The following ARID2 variants were observed in gnomAD, a reference collection of about 807,000 sequenced individuals.
ARID2 encodes the protein AT-rich interaction domain 2.
In ARID2, 32 loss-of-function variants were observed where a neutral mutation model predicts 184.6. The observed-to-expected ratio is 0.17, with a 90% CI of 0.13 to 0.23. The LOEUF is 0.23. Ranked by LOEUF, ARID2 falls within the 10% of genes least tolerant of loss-of-function variation. The probability of loss-of-function intolerance (pLI) is 1.00; values close to 1 mark genes in which losing one functional copy is unlikely to be tolerated. For missense variants in ARID2, 1,696 were observed against 2,197.6 expected, an observed-to-expected ratio of 0.77 and a Z score of 4.56; for synonymous variants, 836 against 772.6, an observed-to-expected ratio of 1.08 and a Z score of -1.36.
intron 3 of ARID2, among the ~76,000 whole-genome samples, chr12:45,792,948 TA>T (rs1298012355): frequency 1.3e-5 from 2 of 152,186 alleles, no homozygotes; most frequent in Non-Finnish European, 2.9e-5. Flanking sequence ...AGGATCTTTT[TA>T]AAAAAATTGT....
intron 3 of ARID2, among the ~76,000 whole-genome samples, chr12:45,798,125 TCTAA>T (rs1158007890): frequency 2.6e-5 from 4 of 152,118 alleles, no homozygotes; most frequent in East Asian, 1.9e-4. Flanking sequence ...CAAATACAGA[TCTAA>T]CTAATTTTCT....
rs369716581 is a variant in ARID2 at position 45,785,101 on chromosome 12, A to C, written c.285-26317A>C. On this transcript the variant is annotated intron_variant, in intron 3 of 20. Coordinates refer to ENST00000334344, the MANE Select transcript of ARID2 (RefSeq NM_152641.4). The stretch of plus-strand genomic sequence containing the variant: ...AATTTCCTATCAGCCTTTCAGGCGA[A>C]GAAGCCTCTCTTCTTATTTTCTTAT... Among the ~76,000 whole-genome samples, 3 of 152,366 alleles carry C rather than the reference A, an allele frequency of 2.0e-5. No individual in the cohort carries two copies. The East Asian group carries it at 5.8e-4, about 29-fold the overall frequency.
intron 3 of ARID2, among the ~76,000 whole-genome samples, chr12:45,802,077 C>T (rs1240149358): frequency 6.7e-6 from 1 of 149,068 alleles, no homozygotes; most frequent in Non-Finnish European, 1.5e-5. Flanking sequence ...CCCCCACCCA[C>T]CCCCGAGACG....
At chr12:45,798,703 CCTT>C (rs1462274849) in intron 3 of ARID2, among the ~76,000 whole-genome samples, 2 of 151,300 alleles carry the variant, frequency 1.3e-5, no homozygotes, top group South Asian at 2.1e-4. Flanking sequence ...TATATGCAAC[CCTT>C]CTTCTCATAC....
intron 3 of ARID2, among the ~76,000 whole-genome samples, chr12:45,739,758 A>T (rs1941214151): frequency 6.6e-6 from 1 of 152,170 alleles, no homozygotes; most frequent in African/African-American, 2.4e-5. Context: ...TAGCCCAGCG[A>T]TTAATTTTAA....
chr12:45,856,063 T>TTTTC, intron 15 of ARID2, among the ~76,000 whole-genome samples: 1 of 139,752 alleles, frequency 7.2e-6, no homozygotes. Flanking sequence ...TTCTTTCTTC[T>TTTTC]TTTCTTTTTT....
chr12:45,863,650 T>C lies in ARID2; in HGVS notation c.4922+2701T>C, dbSNP rs555940179. Among the ~76,000 whole-genome samples the C allele has an allele frequency of 2.0e-5, 3 of 152,138 alleles. No individual in the cohort carries two copies. The East Asian group carries it at 5.8e-4, about 29-fold the overall frequency. On this transcript the variant is annotated intron_variant, in intron 16 of 20. Coordinates refer to ENST00000334344, the MANE Select transcript of ARID2 (RefSeq NM_152641.4). Reference sequence around the variant, plus strand: ...TCCATCAGATTTAAAGCTAAAATTATTTTCTTTACCTATATATTATTGTAA... The same window carrying C: ...TCCATCAGATTTAAAGCTAAAATTACTTTCTTTACCTATATATTATTGTAA...
intron 3 of ARID2, chr12:45,776,336 T>G (rs1941980113): frequency 6.6e-6 from 1 of 152,452 alleles, no homozygotes; most frequent in Non-Finnish European, 1.5e-5. Flanking sequence ...CCAGTATATT[T>G]GTCTTGTTCT....
At chr12:45,827,228 T>C (rs1049965387) in intron 6 of ARID2, among the ~76,000 whole-genome samples, 3 of 152,004 alleles carry the variant, frequency 2.0e-5, no homozygotes, top group Non-Finnish European at 4.4e-5. Context: ...CATATTGTTA[T>C]CCAGAATTAA....
Position 45,904,974 on chromosome 12 carries a change from A to G in ARID2, c.5404A>G (p.Ile1802Val), listed in dbSNP as rs1944505772. ...RHENNLSVLAISNMEASSTLA... is the reference protein window; with the variant it reads ...RHENNLSVLAVSNMEASSTLA... The stretch of plus-strand genomic sequence containing the variant: ...TGAAAATAACTTATCAGTGCTAGCC[A>G]TTAGTAACATGGAAGCTTCCTCCAC... Residue 1802 changes from isoleucine (I) to valine (V), a missense_variant, in exon 21 of 21, where the codon ATT (isoleucine) becomes GTT (valine). Physicochemically the swap from Ile to Val is conservative, Grantham distance 29. Coordinates refer to ENST00000334344, the MANE Select transcript of ARID2 (RefSeq NM_152641.4). The G allele has an allele frequency of 6.2e-7, 1 of 1,614,046 alleles. No individual in the cohort carries two copies. Among genetic ancestry groups the G allele is most frequent in the Non-Finnish European group, 8.5e-7 (1 of 1,179,980 alleles).
chr12:45,736,041 A>G (rs1592044145), intron 3 of ARID2, among the ~76,000 whole-genome samples: 1 of 152,318 alleles, frequency 6.6e-6, no homozygotes, highest in East Asian at 1.9e-4. Context: ...GATCGTGTGA[A>G]ATCTATAACG....
At chr12:45,872,292 A>G (rs1943939518) in intron 16 of ARID2, among the ~76,000 whole-genome samples, 1 of 152,158 alleles carries the variant, frequency 6.6e-6, no homozygotes, top group Non-Finnish European at 1.5e-5. Context: ...TACTTTTACT[A>G]TATCCAGAAA....
chr12:45,869,531 A>G (rs2138202765), intron 16 of ARID2, among the ~76,000 whole-genome samples: 1 of 152,118 alleles, frequency 6.6e-6, no homozygotes, highest in African/African-American at 2.4e-5. Flanking sequence ...AACTTCCATT[A>G]TATTTTTCAA....
intron 3 of ARID2, among the ~76,000 whole-genome samples, chr12:45,778,714 TATTA>T (rs1222265795): frequency 6.6e-6 from 1 of 151,992 alleles, no homozygotes; most frequent in African/African-American, 2.4e-5. Context: ...TTCATTTACA[TATTA>T]ATTATACTTC....
intron 16 of ARID2, among the ~76,000 whole-genome samples, chr12:45,878,682 TCTC>T (rs1222557785): frequency 6.6e-6 from 1 of 152,194 alleles, no homozygotes; most frequent in Non-Finnish European, 1.5e-5. Flanking sequence ...TATTTTAAAT[TCTC>T]AGTCTGAAAA....
intron 11 of ARID2, chr12:45,840,181 T>G (rs903093696): frequency 1.3e-5 from 2 of 152,174 alleles, no homozygotes; most frequent in African/African-American, 4.8e-5. Context: ...TCTACCTTGG[T>G]TTATACTAAA....
In ARID2 at chr12:45,839,470, C is replaced by G. The variant is rs149755754; in HGVS notation, c.1472C>G (p.Thr491Ser). The change falls in exon 11 of 21, where the codon ACC becomes AGC. Residue 491 changes from threonine (T) to serine (S), a missense_variant. By Grantham distance (58) the Thr-to-Ser change is moderately conservative. Transcript: ENST00000334344. ...CCACAAGCTATAGAGCAAGTCCAAA[C>G]CCAGACTCATGTAGCATCTGCCCCA... ...IRPQAIEQVQTQTHVASAPAS... is the reference protein window; with the variant it reads ...IRPQAIEQVQSQTHVASAPAS... 1,566 of 1,613,518 alleles carry G rather than the reference C, an allele frequency of 9.7e-4. 3 individuals are homozygous for G. The highest frequency in any genetic ancestry group is 1.2e-3 in the Non-Finnish European group (1,383 of 1,179,778).
At chr12:45,901,154 A>ATTTTTTTTTTTTTTTT (rs71067909) in intron 20 of ARID2, among the ~76,000 whole-genome samples, 7 of 44,968 alleles carry the variant, frequency 1.6e-4, no homozygotes, top group Admixed American at 3.1e-4. Flanking sequence ...AATTTCCTTA[A>ATTTTTTTTTTTTTTTT]TTTTTTTTTT....
At chr12:45,866,253 T>C (rs143958110) in intron 16 of ARID2, among the ~76,000 whole-genome samples, 152 of 152,286 alleles carry the variant, frequency 1.0e-3, no homozygotes, top group African/African-American at 3.5e-3. Flanking sequence ...GTTATCTGCA[T>C]TGGTAAATAG....
Sources: allele counts gnomAD v4.1 joint callset (sites outside exome capture counted in the v4.1 genomes callset), GRCh38; gene constraint gnomAD v4.1.1; transcripts MANE v1.5; gene names NCBI Gene and HGNC (gene_info 2026-07-23, HGNC 2026-07-21).